The following CEP250 variants were observed in gnomAD, a reference collection of about 807,000 sequenced individuals.
CEP250 encodes centrosome-associated protein CEP250.
Under a neutral mutation model 315.7 loss-of-function variants are expected in CEP250, and 242 were observed. That is an observed-to-expected ratio of 0.77 (90% CI 0.69 to 0.85). The LOEUF is 0.85. Ranked by LOEUF, CEP250 falls within the 40% of genes least tolerant of loss-of-function variation. The pLI, the probability that CEP250 is intolerant of heterozygous loss-of-function variation, is 0.00. For synonymous variants in CEP250, 1,088 were observed against 1,175.0 expected (o/e 0.93, Z 1.51); for missense variants, 2,515 against 2,886.4 (o/e 0.87, Z 2.95).
intron 3 of CEP250, among the ~76,000 whole-genome samples, chr20:35,460,413 T>C (rs2062727631): frequency 6.6e-6 from 1 of 152,174 alleles, no homozygotes; most frequent in Non-Finnish European, 1.5e-5. Flanking sequence ...AACTGAAATA[T>C]GCTATCATTG....
At chr20:35,501,429 T>C (rs996774382) in intron 28 of CEP250, among the ~76,000 whole-genome samples, 11 of 152,100 alleles carry the variant, frequency 7.2e-5, no homozygotes, top group African/African-American at 2.4e-4. Context: ...ATAATGGGAT[T>C]CCAACGCCTG....
intron 28 of CEP250, among the ~76,000 whole-genome samples, chr20:35,501,497 A>G (rs1314493055): frequency 6.6e-6 from 1 of 152,076 alleles, no homozygotes; most frequent in African/African-American, 2.4e-5. Context: ...CTCCTGCACA[A>G]TTATAGGACT....
In CEP250 at chr20:35,479,415, AG is replaced by A; in HGVS notation, c.2283del (p.Leu762SerfsTer21). ...CGGCAGGACCTCGCTGAACAACTAC[AG>A]GGGCTCAGGTAGGGCCCAGACTCAG... ...RDRQDLAEQL[Q>X]GLSSAKELLE... On this transcript the variant is annotated frameshift_variant, in exon 18 of 35. Coordinates refer to ENST00000397527, the MANE Select transcript of CEP250 (RefSeq NM_007186.6). LOFTEE classifies it high-confidence loss of function. 6.2e-7 allele frequency: 1 copy of A among 1,613,400 alleles called. No homozygotes were observed. The highest frequency in any genetic ancestry group is 8.5e-7 in the Non-Finnish European group (1 of 1,179,704).
At chr20:35,471,853 A>G (rs2063031131) in intron 10 of CEP250, among the ~76,000 whole-genome samples, 197 bp from the exon 11 acceptor site, 1 of 152,240 alleles carries the variant, frequency 6.6e-6, no homozygotes. Flanking sequence ...GGAACTCGTA[A>G]TCACTTAATC....
In CEP250 at chr20:35,497,701, A is replaced by G; in HGVS notation, c.3307-18A>G. 3 of 1,521,222 alleles carry G rather than the reference A, an allele frequency of 2.0e-6. No individual in the cohort carries two copies. The highest frequency in any genetic ancestry group is 2.7e-6 in the Non-Finnish European group (3 of 1,126,364). The allele number at this position is 1,521,222 out of a possible 1,614,324, so 94.2% of individuals were successfully genotyped here. A position where few individuals can be genotyped will look rare whatever the true frequency, so the allele number is the denominator to read the frequency against. On this transcript the variant is annotated intron_variant, in intron 25 of 34. Coordinates refer to ENST00000397527, the MANE Select transcript of CEP250 (RefSeq NM_007186.6). Reference sequence around the variant, plus strand: ...TATCCGCTTCCTGCTTATATTATGTAAAATTCTTCCTTGACAGATGGAATT... The same window carrying G: ...TATCCGCTTCCTGCTTATATTATGTGAAATTCTTCCTTGACAGATGGAATT...
chr20:35,471,165 A>G (rs1031458769), intron 10 of CEP250, among the ~76,000 whole-genome samples: 1 of 152,144 alleles, frequency 6.6e-6, no homozygotes, highest in African/African-American at 2.4e-5. Context: ...GATAATGTAA[A>G]TAAATGAAAT....
In CEP250 at chr20:35,497,870, A is replaced by T; in HGVS notation, c.3458A>T (p.Gln1153Leu). 2 of 1,597,104 alleles carry T rather than the reference A, an allele frequency of 1.3e-6. No homozygotes were observed. Among genetic ancestry groups the T allele is most frequent in the Non-Finnish European group, 1.7e-6 (2 of 1,172,054 alleles). The change falls in exon 26 of 35, where the codon CAG becomes CTG. Residue 1153 changes from glutamine (Q) to leucine (L), a missense_variant. Physicochemically the swap from Gln to Leu is moderately radical, Grantham distance 113. Transcript: ENST00000397527. The stretch of plus-strand genomic sequence containing the variant: ...CAGGAAGCCAAGGCAGCCCAACTAC[A>T]GCTGCGACTGCGCAGCACAGAGAGC... ...WAQEAKAAQLQLRLRSTESQL... is the reference protein window; with the variant it reads ...WAQEAKAAQLLLRLRSTESQL...
At chr20:35,483,599 G>C (rs1449320723) in intron 20 of CEP250, among the ~76,000 whole-genome samples, 1 of 151,548 alleles carries the variant, frequency 6.6e-6, no homozygotes, top group Non-Finnish European at 1.5e-5. Context: ...CGAACTCCTG[G>C]GCTCAAGCTG....
intron 3 of CEP250, among the ~76,000 whole-genome samples, chr20:35,460,976 T>C (rs151022163): frequency 6.6e-6 from 1 of 152,324 alleles, no homozygotes; most frequent in Non-Finnish European, 1.5e-5. Flanking sequence ...TCAGAACATA[T>C]GTATTCTCTC....
chr20:35,495,746 T>C (rs1177077395), intron 24 of CEP250, among the ~76,000 whole-genome samples: 1 of 151,720 alleles, frequency 6.6e-6, no homozygotes, highest in East Asian at 1.9e-4. Context: ...CGAGACTCCA[T>C]CTCAAAAAAA....
At chr20:35,497,326 A>G (rs780672125) in intron 25 of CEP250, among the ~76,000 whole-genome samples, 6 of 152,184 alleles carry the variant, frequency 3.9e-5, no homozygotes, top group Non-Finnish European at 8.8e-5. Context: ...AATTCCTATA[A>G]CCATTATAGG....
rs368601836 is a variant in CEP250 at position 35,474,961 on chromosome 20, T to G, written c.1572-541T>G. The G allele has an allele frequency of 3.2e-4, 139 of 435,868 alleles. 1 individual carries two copies. The East Asian group carries it at 8.0e-3, about 25-fold the overall frequency. 27.0% of individuals were successfully genotyped at this position (435,868 alleles called of 1,614,324 possible). ...CTGGTAGGCATGAATAGTGGAAGCT[T>G]GAAGGGCTGCCATAAGGGTCATGAC... On this transcript the variant is annotated intron_variant, in intron 14 of 34. Transcript: ENST00000397527.
chr20:35,470,054 GAT>G (rs757016815), intron 10 of CEP250, 68 bp downstream of exon 10: 18 of 939,370 alleles, frequency 1.9e-5, no homozygotes, highest in South Asian at 6.7e-5. Context: ...TTTATGGACA[GAT>G]AGTGCAGGAT....
intron 20 of CEP250, among the ~76,000 whole-genome samples, chr20:35,488,063 A>G (rs11905966): frequency 0.014 from 2,174 of 152,286 alleles, 40 homozygotes; most frequent in African/African-American, 0.049. Context: ...GCATGTTACA[A>G]TTTACTCATG....
rs1197027687 is a variant in CEP250, at chr20:35,490,650, C to T, written c.2600C>T (p.Ser867Phe). The T allele has an allele frequency of 6.2e-7, 1 of 1,613,264 alleles. No homozygotes were observed. The highest frequency in any genetic ancestry group is 1.7e-5 in the Admixed American group (1 of 59,892). Reference protein sequence around the residue: ...QLREKWEKERSWHQQELAKAL... With the variant: ...QLREKWEKERFWHQQELAKAL... ...TCATGTGGCCAGGAGAAGGAGCGCTCCTGGCACCAGCAGGAGCTGGCAAAG... is the reference window on the plus strand; with the variant it reads ...TCATGTGGCCAGGAGAAGGAGCGCTTCTGGCACCAGCAGGAGCTGGCAAAG... Residue 867 changes from serine (S) to phenylalanine (F), a missense_variant, in exon 21 of 35, where the codon TCC becomes TTC. By Grantham distance (155) the Ser-to-Phe change is radical. Coordinates refer to ENST00000397527, the MANE Select transcript of CEP250 (RefSeq NM_007186.6).
rs2064125657 is a variant in CEP250, at chr20:35,504,515, A to G, written c.6146A>G (p.Glu2049Gly). The G allele has an allele frequency of 1.9e-6, 3 of 1,613,996 alleles. No individual in the cohort carries two copies. Among genetic ancestry groups the G allele is most frequent in the Middle Eastern group, 1.7e-4 (1 of 6,058 alleles). Residue 2049 changes from glutamate (E) to glycine (G), a missense_variant, in exon 30 of 35, where the codon GAA becomes GGA. Coordinates refer to ENST00000397527, the MANE Select transcript of CEP250 (RefSeq NM_007186.6). ...CAGCAGGCACTTGCCCAGAGGGATGAAGAGCTGAGACATCAGCAGGAACGG... is the reference window on the plus strand; with the variant it reads ...CAGCAGGCACTTGCCCAGAGGGATGGAGAGCTGAGACATCAGCAGGAACGG... ...QLQQALAQRD[E>G]ELRHQQEREQ...
chr20:35,504,403 A>G lies in CEP250; in HGVS notation c.6034A>G (p.Ser2012Gly), dbSNP rs2064121364. Residue 2012 changes from serine to glycine, a missense_variant, in exon 30 of 35, where the codon AGT becomes GGT. Transcript: ENST00000397527. ...CTCCCTGGATGCCTGCCAGGCACAC[A>G]GTCGGCAGCTGGAGGAGGCTCTGAG... ...QASLDACQAH[S>G]RQLEEALRIQ... is the part of the protein sequence containing the mutation. 1 of 1,605,324 alleles carries G rather than the reference A, an allele frequency of 6.2e-7. No individual in the cohort carries two copies. The highest frequency in any genetic ancestry group is 1.1e-5 in the South Asian group (1 of 89,570).
chr20:35,461,610 G>T (rs575765831), intron 3 of CEP250, among the ~76,000 whole-genome samples: 6 of 152,282 alleles, frequency 3.9e-5, no homozygotes, highest in African/African-American at 1.4e-4. Flanking sequence ...TAGACTACTT[G>T]TGTTCAAATC....
chr20:35,497,397 C>G (rs2063869028), intron 25 of CEP250, among the ~76,000 whole-genome samples: 1 of 152,178 alleles, frequency 6.6e-6, no homozygotes, highest in Admixed American at 6.5e-5. Flanking sequence ...GTTATTGTGA[C>G]TGGTCTTACT....
Sources: allele counts gnomAD v4.1 joint callset (sites outside exome capture counted in the v4.1 genomes callset), GRCh38; gene constraint gnomAD v4.1.1; transcripts MANE v1.5; gene names NCBI Gene and HGNC (gene_info 2026-07-23, HGNC 2026-07-21).